The following WWOX variants were observed in gnomAD, a reference collection of about 807,000 sequenced individuals.
WWOX encodes WW domain containing oxidoreductase, also known as WW domain-containing oxidoreductase.
Under a neutral mutation model 46.2 loss-of-function variants are expected in WWOX, and 69 were observed. The ratio of observed to expected loss-of-function variants is 1.49; its 90% CI spans 1.23 to 1.82. WWOX has a LOEUF of 1.82. WWOX is among the 40% of genes most tolerant of loss of function. The probability of loss-of-function intolerance (pLI) is 0.00; values close to 1 mark genes in which losing one functional copy is unlikely to be tolerated. For synonymous variants in WWOX, 359 were observed against 202.6 expected, an observed-to-expected ratio of 1.77 and a Z score of -6.56; for missense variants, 919 against 542.6, an observed-to-expected ratio of 1.69 and a Z score of -6.89.
chr16:78,150,475 C>G (rs996779156), intron 4 of WWOX, among the ~76,000 whole-genome samples: 1 of 152,126 alleles, frequency 6.6e-6, no homozygotes, highest in Non-Finnish European at 1.5e-5. Flanking sequence ...ACCTCCCAGG[C>G]TAAAGCCATC....
chr16:78,675,786 C>G (rs1381870633), intron 8 of WWOX, among the ~76,000 whole-genome samples: 2 of 151,994 alleles, frequency 1.3e-5, no homozygotes, highest in African/African-American at 2.4e-5. Context: ...CCAGCCTGGG[C>G]AACATAGCGA....
At chr16:79,107,625 C>G (rs935452584) in intron 8 of WWOX, among the ~76,000 whole-genome samples, 1 of 152,214 alleles carries the variant, frequency 6.6e-6, no homozygotes, top group Non-Finnish European at 1.5e-5. Context: ...CAGATCTCCA[C>G]TGAAACCCCA....
At chr16:78,861,762 A>G (rs561133331) in intron 8 of WWOX, among the ~76,000 whole-genome samples, 71 of 152,302 alleles carry the variant, frequency 4.7e-4, no homozygotes, top group African/African-American at 1.6e-3. Flanking sequence ...TTGATTTTTC[A>G]AAAGTTGGTT....
intron 8 of WWOX, among the ~76,000 whole-genome samples, chr16:78,693,048 TA>T (rs2048026220): frequency 6.6e-6 from 1 of 152,230 alleles, no homozygotes; most frequent in Admixed American, 6.5e-5. Context: ...TATTCATTTT[TA>T]TTTGCCATCC....
intron 8 of WWOX, among the ~76,000 whole-genome samples, chr16:79,025,656 A>C (rs1450040595): frequency 6.6e-6 from 1 of 152,162 alleles, no homozygotes; most frequent in African/African-American, 2.4e-5. Flanking sequence ...CCAGAATACT[A>C]AGAAAATAAA....
In WWOX at chr16:79,030,398, A is replaced by T. The variant is rs74972549; in HGVS notation, c.1057-181210A>T. ...CTTTCAAGACTACCCAGCACTTCAG[A>T]TACTTTTCATGGCCCTTTTTTCCCA... On this transcript the variant is annotated intron_variant, in intron 8 of 8. Coordinates refer to ENST00000566780, the MANE Select transcript of WWOX (RefSeq NM_016373.4). 3.1e-3 allele frequency among the ~76,000 whole-genome samples: 467 copies of T among 152,306 alleles called. 3 individuals are homozygous for T. Among genetic ancestry groups the T allele is most frequent in the African/African-American group, 0.011 (441 of 41,566 alleles).
chr16:78,177,693 G>A (rs2035394922), intron 5 of WWOX, among the ~76,000 whole-genome samples: 1 of 152,146 alleles, frequency 6.6e-6, no homozygotes, highest in Non-Finnish European at 1.5e-5. Context: ...TATTCTCTAG[G>A]TCCTGGCAGC....
chr16:78,906,858 C>G (rs1255729146), intron 8 of WWOX, among the ~76,000 whole-genome samples: 2 of 152,194 alleles, frequency 1.3e-5, no homozygotes, highest in African/African-American at 4.8e-5. Context: ...AATAATATGT[C>G]AAGCTTCCTA....
At chr16:79,006,811 C>G (rs1054847769) in intron 8 of WWOX, among the ~76,000 whole-genome samples, 1 of 152,146 alleles carries the variant, frequency 6.6e-6, no homozygotes, top group Non-Finnish European at 1.5e-5. Flanking sequence ...GCCAACAGCA[C>G]CTGGCTGAGT....
At chr16:78,524,577 G>C (rs1379749492) in intron 8 of WWOX, among the ~76,000 whole-genome samples, 1 of 151,266 alleles carries the variant, frequency 6.6e-6, no homozygotes, top group Non-Finnish European at 1.5e-5. Context: ...TGCACCACCA[G>C]GCTCTGCTAA....
At chr16:78,653,964 A>C (rs1304607497) in intron 8 of WWOX, among the ~76,000 whole-genome samples, 2 of 152,232 alleles carry the variant, frequency 1.3e-5, no homozygotes, top group African/African-American at 4.8e-5. Flanking sequence ...TATTCTTACA[A>C]AAGGCAAAGC....
At chr16:78,958,685 A>G (rs780301402) in intron 8 of WWOX, among the ~76,000 whole-genome samples, 2 of 152,220 alleles carry the variant, frequency 1.3e-5, no homozygotes, top group Non-Finnish European at 2.9e-5. Context: ...TTCTCAGACA[A>G]CTGAAATATA....
At chr16:78,783,254 T>G (rs1406992445) in intron 8 of WWOX, among the ~76,000 whole-genome samples, 1 of 152,236 alleles carries the variant, frequency 6.6e-6, no homozygotes, top group Non-Finnish European at 1.5e-5. Flanking sequence ...CATTTAGATT[T>G]CAACAGGCTC....
chr16:78,410,781 G>C (rs534257065), intron 6 of WWOX, among the ~76,000 whole-genome samples: 4 of 147,910 alleles, frequency 2.7e-5, no homozygotes, highest in African/African-American at 1.0e-4. Flanking sequence ...ACTCCAGCCT[G>C]GGTGAAAGAG....
In WWOX at chr16:78,541,887, A is replaced by G. The variant is rs112949763; in HGVS notation, c.1056+109135A>G. ...TGTGAACATACGTTGCTTTTGTAAT[A>G]TGAAAAATAAAAAATAAAAGTTAAA... On this transcript the variant is annotated intron_variant, in intron 8 of 8. Transcript: ENST00000566780. Among the ~76,000 whole-genome samples the G allele has an allele frequency of 2.7e-4, 41 of 152,218 alleles. 1 individual carries two copies. The highest frequency in any genetic ancestry group is 9.6e-4 in the African/African-American group (40 of 41,538).
intron 8 of WWOX, among the ~76,000 whole-genome samples, chr16:79,183,519 A>G (rs1317293611): frequency 6.6e-6 from 1 of 152,208 alleles, no homozygotes; most frequent in Non-Finnish European, 1.5e-5. Context: ...GTGTCTCTGA[A>G]TTGGCATCCA....
intron 8 of WWOX, among the ~76,000 whole-genome samples, chr16:78,769,863 A>T (rs898459277): frequency 1.3e-5 from 2 of 151,358 alleles, no homozygotes; most frequent in African/African-American, 4.9e-5. Context: ...AAAATAAAAT[A>T]AAAAAATAAA....
At chr16:78,753,841 T>A (rs1313260643) in intron 8 of WWOX, among the ~76,000 whole-genome samples, 9 of 103,222 alleles carry the variant, frequency 8.7e-5, no homozygotes, top group African/African-American at 3.2e-4. Context: ...TATATATATA[T>A]ATATATATAT....
chr16:78,888,575 G>C (rs1042692331), intron 8 of WWOX, among the ~76,000 whole-genome samples: 1 of 152,132 alleles, frequency 6.6e-6, no homozygotes, highest in African/African-American at 2.4e-5. Context: ...TGTTAGTTTT[G>C]AGGATGGAGA....
Sources: gnomAD v4.1 joint callset for allele counts (sites outside exome capture counted in the v4.1 genomes callset) on GRCh38, gnomAD v4.1.1 for gene constraint, MANE v1.5 for transcripts, NCBI Gene and HGNC (gene_info 2026-07-23, HGNC 2026-07-21) for gene names.